The following APBA2 variants were observed in gnomAD, a reference collection of about 807,000 sequenced individuals.
The protein encoded by APBA2 is amyloid-beta A4 precursor protein-binding family A member 2.
APBA2 carries 30 observed loss-of-function variants against 75.0 expected under a neutral mutation model. The observed-to-expected ratio is 0.40, with a 90% CI of 0.30 to 0.54. APBA2 has a LOEUF of 0.54. Ranked by LOEUF, APBA2 falls within the 20% of genes least tolerant of loss-of-function variation. The pLI is 0.49. For synonymous variants in APBA2, 444 were observed against 409.6 expected (o/e 1.08, Z -1.01); for missense variants, 801 against 1,016.1 (o/e 0.79, Z 2.88).
At chr15:29,086,952 G>T (rs1450053901) in intron 6 of APBA2, among the ~76,000 whole-genome samples, 1 of 152,114 alleles carries the variant, frequency 6.6e-6, no homozygotes, top group Non-Finnish European at 1.5e-5. Flanking sequence ...TTCCACTATA[G>T]GTAACCATTT....
In APBA2 at chr15:29,094,332, C is replaced by T. The variant is rs755086136; in HGVS notation, c.1251+19C>T. The T allele has an allele frequency of 1.4e-5, 22 of 1,612,726 alleles. No homozygotes were observed. The highest frequency in any genetic ancestry group is 1.8e-5 in the Non-Finnish European group (21 of 1,179,052). On this transcript the variant is annotated intron_variant, in intron 8 of 14. Transcript: ENST00000683413. ...AAAAGCGGTGTGTAGGGCCTTGAGG[C>T]CCTGGGACAGTGTTGTTTGCTTGTG... is the stretch of plus-strand genomic sequence containing the variant.
chr15:28,993,746 A>G (rs1252308064), intron 2 of APBA2, among the ~76,000 whole-genome samples: 2 of 151,956 alleles, frequency 1.3e-5, no homozygotes, highest in Non-Finnish European at 2.9e-5. Flanking sequence ...CTTTCTGGAG[A>G]CTCGCAGACT....
At chr15:28,912,800 G>A (rs2033493366) in intron 1 of APBA2, among the ~76,000 whole-genome samples, 2 of 152,188 alleles carry the variant, frequency 1.3e-5, no homozygotes, top group Admixed American at 6.5e-5. Flanking sequence ...TTTTCCCTAG[G>A]TGTTTTACTT....
At chr15:29,085,439 G>A (rs2043245911) in intron 6 of APBA2, among the ~76,000 whole-genome samples, 3 of 151,176 alleles carry the variant, frequency 2.0e-5, no homozygotes, top group African/African-American at 7.3e-5. Context: ...ACAGGAGAAT[G>A]GCGTGAACCC....
intron 2 of APBA2, among the ~76,000 whole-genome samples, chr15:28,971,000 C>T (rs2037038040): frequency 6.6e-6 from 1 of 152,102 alleles, no homozygotes; most frequent in African/African-American, 2.4e-5. Context: ...ACATAGAATC[C>T]CCTCAGACCA....
At chr15:29,027,988 T>C (rs2040308086) in intron 3 of APBA2, among the ~76,000 whole-genome samples, 1 of 152,128 alleles carries the variant, frequency 6.6e-6, no homozygotes, top group Non-Finnish European at 1.5e-5. Flanking sequence ...CTTTTCGTTT[T>C]TTTTTTTAAT....
chr15:29,091,751 G>A (rs1233184668), intron 6 of APBA2, among the ~76,000 whole-genome samples: 1 of 152,174 alleles, frequency 6.6e-6, no homozygotes, highest in African/African-American at 2.4e-5. Flanking sequence ...TGGGCCAGTT[G>A]ATGATTTTAG....
chr15:28,945,667 T>C (rs1050812430), intron 2 of APBA2, among the ~76,000 whole-genome samples: 1 of 151,950 alleles, frequency 6.6e-6, no homozygotes, highest in Non-Finnish European at 1.5e-5. Flanking sequence ...TACAGGCGCC[T>C]GCCCCCCGCC....
intron 13 of APBA2, among the ~76,000 whole-genome samples, chr15:29,111,017 G>A (rs947372894): frequency 6.6e-6 from 1 of 152,098 alleles, no homozygotes; most frequent in Non-Finnish European, 1.5e-5. Context: ...GCGGAAGGGG[G>A]TTTCTCAGAA....
intron 12 of APBA2, 81 bp from the exon 13 acceptor site, chr15:29,108,189 C>T: frequency 1.9e-6 from 3 of 1,602,536 alleles, no homozygotes; most frequent in Non-Finnish European, 2.5e-6. Flanking sequence ...CCGGCCTCCA[C>T]CACCCTGCCA....
intron 2 of APBA2, among the ~76,000 whole-genome samples, chr15:28,955,176 C>T (rs73368711): frequency 0.027 from 4,107 of 152,078 alleles, 153 homozygotes; most frequent in East Asian, 0.17. Flanking sequence ...TAGGATACCT[C>T]TACATTATAG....
rs2041759908 is a variant in APBA2, at chr15:29,054,219, A to G, written c.335A>G (p.Glu112Gly). The G allele has an allele frequency of 6.2e-7, 1 of 1,614,134 alleles. No individual in the cohort carries two copies. Among genetic ancestry groups the G allele is most frequent in the Non-Finnish European group, 8.5e-7 (1 of 1,180,006 alleles). ...TGCCCTGAGGACGACAGCTACCTAG[A>G]GGGCATGGACTGCAACGGGGAGGAG... ...RYCPEDDSYL[E>G]GMDCNGEEYL... The change falls in exon 4 of 15, where the codon GAG becomes GGG. Residue 112 changes from glutamate (E) to glycine (G), a missense_variant. Transcript: ENST00000683413. This position sits in a 1 kb window ranked among gnomAD's most constrained non-coding sequence, Gnocchi z 6.1.
intron 3 of APBA2, among the ~76,000 whole-genome samples, chr15:29,035,824 A>C (rs1383991412): frequency 1.3e-5 from 2 of 152,194 alleles, no homozygotes; most frequent in Admixed American, 6.5e-5. Context: ...GAAGCCCCGC[A>C]GGTGGCTCTG....
At chr15:29,098,628 CCTT>C (rs765060125) in intron 9 of APBA2, 52 bp downstream of exon 9, 1 of 1,423,982 alleles carries the variant, frequency 7.0e-7, no homozygotes, top group Non-Finnish European at 9.9e-7. Flanking sequence ...AAGTTCGACT[CCTT>C]CTTGTCCCAT....
chr15:29,104,934 T>C (rs2044320727), intron 10 of APBA2, among the ~76,000 whole-genome samples: 1 of 152,126 alleles, frequency 6.6e-6, no homozygotes, highest in African/African-American at 2.4e-5. Flanking sequence ...GAAAACTTTT[T>C]TTAATTAGCT....
intron 1 of APBA2, among the ~76,000 whole-genome samples, chr15:28,912,967 G>A (rs1278043096): frequency 1.3e-5 from 2 of 152,228 alleles, no homozygotes; most frequent in Non-Finnish European, 2.9e-5. Flanking sequence ...TGCGGTGGGC[G>A]AGCCAGAGGG....
chr15:29,109,907 C>T (rs1595998975), intron 13 of APBA2, among the ~76,000 whole-genome samples: 1 of 152,218 alleles, frequency 6.6e-6, no homozygotes, highest in East Asian at 1.9e-4. Context: ...GGACCTGGCA[C>T]AGGTGCCAGG....
At chr15:28,924,532 C>T (rs989051863) in intron 2 of APBA2, among the ~76,000 whole-genome samples, 2 of 152,140 alleles carry the variant, frequency 1.3e-5, no homozygotes, top group Admixed American at 1.3e-4. Flanking sequence ...CCTTTTCTTT[C>T]TGGCTTCTTT....
chr15:29,034,041 T>G (rs1165451244), intron 3 of APBA2, among the ~76,000 whole-genome samples: 1 of 151,614 alleles, frequency 6.6e-6, no homozygotes, highest in African/African-American at 2.4e-5. Flanking sequence ...TGCAAAGCTT[T>G]GGCGTCCTCA....
Sources: gnomAD v4.1 joint callset for allele counts (sites outside exome capture counted in the v4.1 genomes callset) on GRCh38, gnomAD v4.1.1 for gene constraint, Gnocchi (gnomAD v3.1) non-coding constraint, MANE v1.5 for transcripts, NCBI Gene and HGNC (gene_info 2026-07-23, HGNC 2026-07-21) for gene names.